Variants in EPB41L4A observed in about 807,000 individuals in gnomAD.
The protein encoded by EPB41L4A is band 4.1-like protein 4A.
EPB41L4A carries 100 observed loss-of-function variants against 108.6 expected under a neutral mutation model. That is an observed-to-expected ratio of 0.92 (90% CI 0.78 to 1.09). The LOEUF is 1.09. Among genes scored for constraint, EPB41L4A ranks in the 50% least tolerant of loss-of-function variants. The pLI is 0.00. For synonymous variants in EPB41L4A, 319 were observed against 289.0 expected, an observed-to-expected ratio of 1.10 and a Z score of -1.05; for missense variants, 1,030 against 842.7, an observed-to-expected ratio of 1.22 and a Z score of -2.75.
At chr5:112,209,594 T>A (rs1386473845) in intron 13 of EPB41L4A, among the ~76,000 whole-genome samples, 1 of 152,258 alleles carries the variant, frequency 6.6e-6, no homozygotes, top group Non-Finnish European at 1.5e-5. Context: ...CATTATATCA[T>A]GCCATTTTCA....
At chr5:112,165,789 G>C (rs562050836) in intron 22 of EPB41L4A, among the ~76,000 whole-genome samples, 1 of 152,252 alleles carries the variant, frequency 6.6e-6, no homozygotes, top group African/African-American at 2.4e-5. Context: ...TAAATAATGG[G>C]CTATACCGTC....
chr5:112,416,789 G>C (rs891357788), intron 1 of EPB41L4A, among the ~76,000 whole-genome samples: 2 of 152,194 alleles, frequency 1.3e-5, no homozygotes, highest in African/African-American at 4.8e-5. Context: ...AGTATGTACA[G>C]AACATAAACA....
chr5:112,314,648 A>C (rs1755311513), intron 1 of EPB41L4A, among the ~76,000 whole-genome samples: 1 of 152,066 alleles, frequency 6.6e-6, no homozygotes, highest in South Asian at 2.1e-4. Context: ...CTCTATTAAA[A>C]ATACAAAAAC....
chr5:112,235,625 G>A (rs1477275423), intron 11 of EPB41L4A, among the ~76,000 whole-genome samples: 1 of 152,180 alleles, frequency 6.6e-6, no homozygotes, highest in Non-Finnish European at 1.5e-5. Context: ...AAACACAGGT[G>A]AGTGTTTCCC....
At chr5:112,303,199 T>C (rs1754480075) in intron 2 of EPB41L4A, among the ~76,000 whole-genome samples, 1 of 152,158 alleles carries the variant, frequency 6.6e-6, no homozygotes, top group Non-Finnish European at 1.5e-5. Flanking sequence ...TCACAGAATG[T>C]GAAACTTTAC....
At chr5:112,187,216 C>G (rs1438203368) in intron 17 of EPB41L4A, among the ~76,000 whole-genome samples, 1 of 152,144 alleles carries the variant, frequency 6.6e-6, no homozygotes, top group Non-Finnish European at 1.5e-5. Context: ...AATGTTGCAT[C>G]TAAAGGTGAA....
chr5:112,264,984 T>C lies in EPB41L4A; in HGVS notation c.466A>G (p.Thr156Ala). 1 of 1,608,964 alleles carries C rather than the reference T, an allele frequency of 6.2e-7. No homozygotes were observed. The highest frequency in any genetic ancestry group is 8.5e-7 in the Non-Finnish European group (1 of 1,178,278). ...CGGTACTCAGATACATATCCTGCAG[T>C]ATGTTTATATGGGTCATAATCTCCA... ...ELGDYDPYKH[T>A]AGYVSEYRFV... Residue 156 changes from threonine to alanine, a missense_variant, in exon 6 of 23, where the codon ACT becomes GCT. Thr to Ala is a moderately conservative substitution (Grantham distance 58). Coordinates refer to ENST00000261486, the MANE Select transcript of EPB41L4A (RefSeq NM_022140.5).
chr5:112,298,297 G>A (rs574140673), intron 2 of EPB41L4A, among the ~76,000 whole-genome samples: 3 of 151,866 alleles, frequency 2.0e-5, no homozygotes, highest in Non-Finnish European at 4.4e-5. Flanking sequence ...ACTTTTCCCC[G>A]TTCATATTAT....
At chr5:112,234,816 C>A in intron 11 of EPB41L4A, 61 bp from the exon 12 acceptor site, 1 of 1,538,686 alleles carries the variant, frequency 6.5e-7, no homozygotes, top group Non-Finnish European at 8.8e-7. Context: ...AATTAAACAA[C>A]AGGTCATTCA....
chr5:112,188,428 G>C (rs1430236911), intron 17 of EPB41L4A, among the ~76,000 whole-genome samples: 1 of 151,992 alleles, frequency 6.6e-6, no homozygotes, highest in South Asian at 2.1e-4. Flanking sequence ...TACCTCTGGC[G>C]CAATTTCCCT....
At chr5:112,147,087 A>G (rs1014640967) in intron 12 of EPB41L4A, among the ~76,000 whole-genome samples, 1 of 152,168 alleles carries the variant, frequency 6.6e-6, no homozygotes, top group Non-Finnish European at 1.5e-5. Context: ...GCTCTAAATT[A>G]GTGTGGGTTT....
intron 13 of EPB41L4A, 28 bp from the exon 14 acceptor site, chr5:112,205,532 ATAAAT>A (rs761017182): frequency 6.7e-6 from 10 of 1,502,478 alleles, no homozygotes; most frequent in African/African-American, 4.2e-5. Context: ...AGTATGAGAA[ATAAAT>A]TAAGTAGAAA....
At chr5:112,166,607 G>A (rs1423005834) in intron 22 of EPB41L4A, among the ~76,000 whole-genome samples, 1 of 152,136 alleles carries the variant, frequency 6.6e-6, no homozygotes, top group Non-Finnish European at 1.5e-5. Flanking sequence ...AACATGTAAA[G>A]TGAGGTCACT....
At chr5:112,273,782 T>C (rs1752427953) in intron 4 of EPB41L4A, among the ~76,000 whole-genome samples, 1 of 152,180 alleles carries the variant, frequency 6.6e-6, no homozygotes, top group African/African-American at 2.4e-5. Flanking sequence ...GTTACAGATA[T>C]AAGTGTATTT....
chr5:112,241,647 G>A (rs1333796369), intron 9 of EPB41L4A, among the ~76,000 whole-genome samples: 1 of 152,148 alleles, frequency 6.6e-6, no homozygotes, highest in East Asian at 1.9e-4. Flanking sequence ...ATGACTTAAA[G>A]TATATGGGAG....
At chr5:112,176,371 TACA>T (rs756498333) in intron 18 of EPB41L4A, among the ~76,000 whole-genome samples, 9 of 152,200 alleles carry the variant, frequency 5.9e-5, no homozygotes, top group Non-Finnish European at 1.2e-4. Context: ...CCTTAAGAGT[TACA>T]ACATTTGTAT....
At chr5:112,419,727 AAG>A (rs1467228214), upstream of EPB41L4A, 1 of 456,578 alleles carries the variant, frequency 2.2e-6, no homozygotes, top group Non-Finnish European at 4.4e-6. Flanking sequence ...GAGGAGCCGG[AAG>A]AGAGGCGGAA....
At chr5:112,375,794 T>C (rs565098491) in intron 1 of EPB41L4A, among the ~76,000 whole-genome samples, 2 of 152,242 alleles carry the variant, frequency 1.3e-5, no homozygotes, top group Non-Finnish European at 2.9e-5. Context: ...GATCTGCTGG[T>C]AGATGTTCAC....
At chr5:112,147,696 T>C (rs1338185839) in intron 12 of EPB41L4A, among the ~76,000 whole-genome samples, 2 of 144,240 alleles carry the variant, frequency 1.4e-5, no homozygotes, top group Non-Finnish European at 3.0e-5. Flanking sequence ...GAGAAAAAAA[T>C]TTAAGGGTAA....
Sources: allele counts gnomAD v4.1 joint callset (sites outside exome capture counted in the v4.1 genomes callset), GRCh38; gene constraint gnomAD v4.1.1; transcripts MANE v1.5; gene names NCBI Gene and HGNC (gene_info 2026-07-23, HGNC 2026-07-21).